Variants in DOCK5 observed in about 807,000 individuals in gnomAD.
The protein encoded by DOCK5 is dedicator of cytokinesis protein 5.
Under a neutral mutation model 251.8 loss-of-function variants are expected in DOCK5, and 142 were observed. The observed-to-expected ratio is 0.56, with a 90% CI of 0.49 to 0.65. DOCK5 has a LOEUF of 0.65. DOCK5 is among the 30% of genes least tolerant of loss of function. The probability of loss-of-function intolerance (pLI) is 0.00; values close to 1 mark genes in which losing one functional copy is unlikely to be tolerated. For missense variants in DOCK5, 2,111 were observed against 2,312.3 expected, an observed-to-expected ratio of 0.91 and a Z score of 1.79; for synonymous variants, 842 against 835.5, an observed-to-expected ratio of 1.01 and a Z score of -0.13.
At chr8:25,365,895 C>T (rs2117275267) in intron 30 of DOCK5, among the ~76,000 whole-genome samples, 1 of 152,290 alleles carries the variant, frequency 6.6e-6, no homozygotes, top group Admixed American at 6.5e-5. Flanking sequence ...CACATACACA[C>T]ACAGAGATGC....
At chr8:25,247,920 A>C (rs1468917056) in intron 2 of DOCK5, among the ~76,000 whole-genome samples, 2 of 152,134 alleles carry the variant, frequency 1.3e-5, no homozygotes, top group African/African-American at 4.8e-5. Flanking sequence ...TCCTGCCCGC[A>C]AGAAACCGCT....
At chr8:25,267,101 G>A (rs1803776825) in intron 2 of DOCK5, among the ~76,000 whole-genome samples, 2 of 152,224 alleles carry the variant, frequency 1.3e-5, no homozygotes, top group South Asian at 4.1e-4. Flanking sequence ...TCATGCAAAA[G>A]CCCATTTTCA....
chr8:25,297,569 A>C (rs1337558918), intron 7 of DOCK5, among the ~76,000 whole-genome samples: 1 of 151,920 alleles, frequency 6.6e-6, no homozygotes. Context: ...TTGTATTTTT[A>C]GTAGAGATGG....
At chr8:25,384,291 A>G (rs1801120477) in intron 40 of DOCK5, among the ~76,000 whole-genome samples, 1 of 152,186 alleles carries the variant, frequency 6.6e-6, no homozygotes, top group Non-Finnish European at 1.5e-5. Context: ...TGGCTGCAGA[A>G]GGGCCTGGGG....
At chr8:25,325,595 T>C in intron 18 of DOCK5, 48 bp downstream of exon 18, 1 of 1,595,832 alleles carries the variant, frequency 6.3e-7, no homozygotes, top group Non-Finnish European at 8.5e-7. Context: ...TGCTCAGCCT[T>C]TCTGGGCTCC....
intron 5 of DOCK5, among the ~76,000 whole-genome samples, chr8:25,284,696 A>C (rs1048690219): frequency 5.3e-5 from 8 of 152,260 alleles, no homozygotes; most frequent in Non-Finnish European, 1.2e-4. Context: ...ATGCCCATGC[A>C]GTGACTTAGA....
chr8:25,240,247 A>T (rs1374970065), intron 1 of DOCK5, among the ~76,000 whole-genome samples: 3 of 151,800 alleles, frequency 2.0e-5, no homozygotes, highest in African/African-American at 4.8e-5. Flanking sequence ...TTCCCTCATC[A>T]GTAGAGTGAG....
At chr8:25,193,254 A>G (rs1234805054) in intron 1 of DOCK5, among the ~76,000 whole-genome samples, 1 of 152,172 alleles carries the variant, frequency 6.6e-6, no homozygotes, top group Non-Finnish European at 1.5e-5. Flanking sequence ...GTTTGTGTTT[A>G]AAGTTACCTT....
chr8:25,359,830 A>C (rs1001651819), intron 28 of DOCK5, among the ~76,000 whole-genome samples: 2 of 152,240 alleles, frequency 1.3e-5, no homozygotes, highest in Non-Finnish European at 2.9e-5. Context: ...TCTTCAGATG[A>C]AAATATTTTG....
At chr8:25,357,837 T>C (rs1031841548) in intron 27 of DOCK5, among the ~76,000 whole-genome samples, 6 of 152,180 alleles carry the variant, frequency 3.9e-5, no homozygotes. Flanking sequence ...CTTTGTGTTA[T>C]TTTCATAGCT....
At chr8:25,341,544 C>T (rs908176046) in intron 23 of DOCK5, among the ~76,000 whole-genome samples, 195 bp from the exon 24 acceptor site, 3 of 152,114 alleles carry the variant, frequency 2.0e-5, no homozygotes, top group Non-Finnish European at 4.4e-5. Context: ...GAAAGCTGTA[C>T]CCCCTGGCAT....
intron 5 of DOCK5, among the ~76,000 whole-genome samples, chr8:25,286,483 A>T (rs1378752116): frequency 2.0e-5 from 3 of 152,182 alleles, no homozygotes; most frequent in Non-Finnish European, 4.4e-5. Flanking sequence ...TAATGATAGA[A>T]TTCGAGATAG....
chr8:25,347,077 G>C (rs12550407), intron 26 of DOCK5, among the ~76,000 whole-genome samples: 30,348 of 152,166 alleles, frequency 0.2, 3,079 homozygotes, highest in South Asian at 0.27. Flanking sequence ...ATCACCTAAA[G>C]TCTTTATCTT....
At chr8:25,291,517 TAC>T (rs1224131381) in intron 5 of DOCK5, among the ~76,000 whole-genome samples, 5 of 150,656 alleles carry the variant, frequency 3.3e-5, no homozygotes, top group Non-Finnish European at 1.5e-5. Flanking sequence ...ACCCCATCTC[TAC>T]TAAAAATGCA....
chr8:25,264,052 C>A (rs2117589266), intron 2 of DOCK5, among the ~76,000 whole-genome samples: 1 of 151,998 alleles, frequency 6.6e-6, no homozygotes, highest in Admixed American at 6.5e-5. Context: ...AAATCATGAG[C>A]AACTCCTGTT....
At chr8:25,227,926 C>T (rs1028817368) in intron 1 of DOCK5, among the ~76,000 whole-genome samples, 7 of 152,152 alleles carry the variant, frequency 4.6e-5, no homozygotes, top group African/African-American at 1.7e-4. Context: ...TCTCTGTCAC[C>T]CAGGCTGGAG....
At chr8:25,318,858 C>T (rs1015686729) in intron 14 of DOCK5, among the ~76,000 whole-genome samples, 2 of 152,022 alleles carry the variant, frequency 1.3e-5, no homozygotes, top group Admixed American at 1.3e-4. Context: ...CAATGAAATA[C>T]AATTTCATCA....
At chr8:25,355,836 T>G (rs1800557888) in intron 27 of DOCK5, among the ~76,000 whole-genome samples, 1 of 152,212 alleles carries the variant, frequency 6.6e-6, no homozygotes, top group Admixed American at 6.5e-5. Context: ...AAATTCTATT[T>G]AATTTAGTCA....
chr8:25,343,860 C>T (rs1800309391), intron 25 of DOCK5, among the ~76,000 whole-genome samples: 1 of 152,192 alleles, frequency 6.6e-6, no homozygotes, highest in Non-Finnish European at 1.5e-5. Flanking sequence ...GGCTGGAATG[C>T]AGCAGCATGA....
Sources: allele counts gnomAD v4.1 joint callset (sites outside exome capture counted in the v4.1 genomes callset), GRCh38; gene constraint gnomAD v4.1.1; transcripts MANE v1.5; gene names NCBI Gene and HGNC (gene_info 2026-07-23, HGNC 2026-07-21).